Variants in AKAP6 observed in about 807,000 individuals in gnomAD.
The protein encoded by AKAP6 is A-kinase anchoring protein 6.
In AKAP6, 58 loss-of-function variants were observed where a neutral mutation model predicts 188.5. That is an observed-to-expected ratio of 0.31 (90% CI 0.25 to 0.38). The LOEUF is 0.38. AKAP6 is among the 10% of genes least tolerant of loss of function. AKAP6 has a pLI of 1.00. For missense variants in AKAP6, 2,710 were observed against 2,740.0 expected (o/e 0.99, Z 0.24); for synonymous variants, 989 against 998.6 (o/e 0.99, Z 0.18).
intron 1 of AKAP6, among the ~76,000 whole-genome samples, chr14:32,413,472 G>A (rs1889559428): frequency 6.6e-6 from 1 of 152,122 alleles, no homozygotes; most frequent in Admixed American, 6.6e-5. Flanking sequence ...ACGAGCCACT[G>A]TGCCTTGCCA....
intron 2 of AKAP6, among the ~76,000 whole-genome samples, chr14:32,492,165 C>T (rs1331525200): frequency 2.0e-5 from 3 of 151,888 alleles, no homozygotes; most frequent in Non-Finnish European, 4.4e-5. Context: ...TCCTTGCATG[C>T]TTTCTCCCAT....
At chr14:32,632,785 TA>T (rs1212339573) in intron 7 of AKAP6, among the ~76,000 whole-genome samples, 1 of 152,122 alleles carries the variant, frequency 6.6e-6, no homozygotes, top group Non-Finnish European at 1.5e-5. Flanking sequence ...TTATATGTTT[TA>T]AAAAATTCCA....
intron 2 of AKAP6, among the ~76,000 whole-genome samples, chr14:32,482,141 T>C (rs1461424307): frequency 2.6e-5 from 4 of 152,160 alleles, no homozygotes; most frequent in South Asian, 2.1e-4. Flanking sequence ...CTTAATAAAC[T>C]TCCTGCACGC....
intron 1 of AKAP6, among the ~76,000 whole-genome samples, chr14:32,421,419 A>T (rs1200008199): frequency 6.6e-6 from 1 of 151,908 alleles, no homozygotes; most frequent in East Asian, 1.9e-4. Context: ...TTTAGCTATT[A>T]TATTGTGATT....
intron 2 of AKAP6, among the ~76,000 whole-genome samples, chr14:32,491,038 AAGGGTTGCTG>A (rs1317922015): frequency 6.6e-6 from 1 of 152,164 alleles, no homozygotes; most frequent in East Asian, 1.9e-4. Flanking sequence ...TTAATATCCT[AAGGGTTGCTG>A]AGGTGATCTG....
At chr14:32,735,274 C>A (rs1032028797) in intron 10 of AKAP6, among the ~76,000 whole-genome samples, 1 of 152,060 alleles carries the variant, frequency 6.6e-6, no homozygotes, top group Non-Finnish European at 1.5e-5. Flanking sequence ...GAGTTTTTTA[C>A]TATAAACTCC....
At chr14:32,354,339 T>C (rs1470372146) in intron 1 of AKAP6, among the ~76,000 whole-genome samples, 1 of 152,008 alleles carries the variant, frequency 6.6e-6, no homozygotes. Context: ...AAGCTACCTG[T>C]TCCCTGCTCT....
At position 32,665,385 on chromosome 14, in the gene AKAP6, G is replaced by A. The variant is rs376762251; in HGVS notation, c.2731-12926G>A. On this transcript the variant is annotated intron_variant, in intron 7 of 13. Transcript: ENST00000280979. The stretch of plus-strand genomic sequence containing the variant: ...ATGCTGGAGCAGCTCACAGAGCTCC[G>A]GGAAACACTTATTTACATTTACTGA... Among the ~76,000 whole-genome samples the A allele has an allele frequency of 1.4e-3, 208 of 152,184 alleles. 2 individuals are homozygous for A. Among genetic ancestry groups the A allele is most frequent in the South Asian group, 6.2e-3 (30 of 4,818 alleles).
chr14:32,833,658 A>G lies in AKAP6; in HGVS notation c.*3853A>G, dbSNP rs2034844205. ...AGAAACAAACTAGATGAAAATATCA[A>G]TGAAATGATCCAGGTCTGTCTTACA... On this transcript the variant is annotated 3_prime_UTR_variant, in exon 14 of 14. Transcript: ENST00000280979. 6.6e-6 allele frequency: 1 copy of G among 152,236 alleles called. No individual in the cohort carries two copies. Among genetic ancestry groups the G allele is most frequent in the East Asian group, 1.9e-4 (1 of 5,192 alleles). 9.4% of individuals were successfully genotyped at this position (152,236 alleles called of 1,614,324 possible). A position where few individuals can be genotyped will look rare whatever the true frequency, so the allele number is the denominator to read the frequency against.
chr14:32,795,199 A>G (rs2033729806), intron 12 of AKAP6, among the ~76,000 whole-genome samples: 1 of 152,200 alleles, frequency 6.6e-6, no homozygotes, highest in African/African-American at 2.4e-5. Context: ...GAATTCTACC[A>G]GAGGTACAAA....
intron 12 of AKAP6, 35 bp downstream of exon 12, chr14:32,773,928 C>T (rs1436861985): frequency 6.3e-7 from 1 of 1,580,648 alleles, no homozygotes; most frequent in Non-Finnish European, 8.7e-7. Context: ...AATTGTCTGT[C>T]ATTTTCTCAG....
At chr14:32,809,991 C>G (rs1290292116) in intron 12 of AKAP6, among the ~76,000 whole-genome samples, 2 of 152,176 alleles carry the variant, frequency 1.3e-5, no homozygotes, top group Non-Finnish European at 2.9e-5. Context: ...ATCCTACACT[C>G]TGCGCTGGAA....
intron 1 of AKAP6, among the ~76,000 whole-genome samples, chr14:32,344,311 A>T (rs1886993184): frequency 6.6e-6 from 1 of 152,238 alleles, no homozygotes; most frequent in Non-Finnish European, 1.5e-5. Context: ...ATATAACACC[A>T]ATCCAACATG....
chr14:32,830,119 T>C lies in AKAP6; in HGVS notation c.*314T>C. Reference sequence around the variant, plus strand: ...CAACCCTCTCTCTCCAGCTAGACTTTTCTCTTTGCCTCCTCCCTTCCCTTC... The same window carrying C: ...CAACCCTCTCTCTCCAGCTAGACTTCTCTCTTTGCCTCCTCCCTTCCCTTC... On this transcript the variant is annotated 3_prime_UTR_variant, in exon 14 of 14. Coordinates refer to ENST00000280979, the MANE Select transcript of AKAP6 (RefSeq NM_004274.5). 1.7e-6 allele frequency: 1 copy of C among 593,242 alleles called. No individual in the cohort carries two copies. Among genetic ancestry groups the C allele is most frequent in the Non-Finnish European group, 3.0e-6 (1 of 332,526 alleles). 36.7% of individuals were successfully genotyped at this position (593,242 alleles called of 1,614,324 possible).
At chr14:32,446,457 T>C (rs1182304428) in intron 2 of AKAP6, among the ~76,000 whole-genome samples, 1 of 152,186 alleles carries the variant, frequency 6.6e-6, no homozygotes, top group Non-Finnish European at 1.5e-5. Context: ...CTTCTTGTGA[T>C]CTGCATGTAT....
At chr14:32,738,378 A>C (rs565258134) in intron 11 of AKAP6, among the ~76,000 whole-genome samples, 1 of 152,284 alleles carries the variant, frequency 6.6e-6, no homozygotes, top group African/African-American at 2.4e-5. Context: ...TGGTCCCAAA[A>C]CGAGTCGAGG....
chr14:32,620,252 G>A (rs1886759961), intron 7 of AKAP6, among the ~76,000 whole-genome samples: 1 of 152,038 alleles, frequency 6.6e-6, no homozygotes, highest in Non-Finnish European at 1.5e-5. Context: ...CAGTTCCCAG[G>A]GGGAATGTTT....
At chr14:32,363,914 G>A (rs1414844814) in intron 1 of AKAP6, among the ~76,000 whole-genome samples, 5 of 152,220 alleles carry the variant, frequency 3.3e-5, no homozygotes, top group Non-Finnish European at 5.9e-5. Flanking sequence ...AGCAGTGGGC[G>A]TTCATTCCAT....
At position 32,652,372 on chromosome 14, in the gene AKAP6, G is replaced by T. The variant is rs74753117; in HGVS notation, c.2731-25939G>T. Among the ~76,000 whole-genome samples, 502 of 151,642 alleles carry T rather than the reference G, an allele frequency of 3.3e-3. 1 individual carries two copies. The highest frequency in any genetic ancestry group is 0.011 in the African/African-American group (456 of 41,342). ...ATTATGTTTTTCTATTTCCCCACCT[G>T]GCCTAGGAGCCCAGGCCTTTATCTA... is the stretch of plus-strand genomic sequence containing the variant. On this transcript the variant is annotated intron_variant, in intron 7 of 13. Transcript: ENST00000280979.
Sources: gnomAD v4.1 joint callset for allele counts (sites outside exome capture counted in the v4.1 genomes callset) on GRCh38, gnomAD v4.1.1 for gene constraint, MANE v1.5 for transcripts, NCBI Gene and HGNC (gene_info 2026-07-23, HGNC 2026-07-21) for gene names.